The following KLHL8 variants were observed in gnomAD, a reference collection of about 807,000 sequenced individuals.
KLHL8 encodes kelch-like protein 8.
Under a neutral mutation model 63.5 loss-of-function variants are expected in KLHL8, and 38 were observed. The observed-to-expected ratio is 0.60, with a 90% confidence interval of 0.46 to 0.78. The LOEUF is 0.78. Ranked by LOEUF, KLHL8 falls within the 30% of genes least tolerant of loss-of-function variation. KLHL8 has a pLI of 0.00. For synonymous variants in KLHL8, 224 were observed against 254.3 expected (o/e 0.88, Z 1.13); for missense variants, 566 against 752.4 (o/e 0.75, Z 2.90).
intron 4 of KLHL8, 97 bp downstream of exon 4, chr4:87,183,106 G>A: frequency 1.3e-6 from 1 of 773,542 alleles, no homozygotes; most frequent in Non-Finnish European, 2.0e-6. Context: ...AAGGCAATCA[G>A]ACACTAATTA....
At chr4:87,190,700 T>A (rs1731449032) in intron 2 of KLHL8, among the ~76,000 whole-genome samples, 1 of 151,460 alleles carries the variant, frequency 6.6e-6, no homozygotes, top group Non-Finnish European at 1.5e-5. Context: ...TAACAAACTA[T>A]CACTGGGTGG....
At position 87,161,652 on chromosome 4, in the gene KLHL8, A is replaced by G. The variant is rs770714678; in HGVS notation, c.*1867T>C. 6.6e-6 allele frequency: 1 copy of G among 152,244 alleles called. No homozygotes were observed. The highest frequency in any genetic ancestry group is 2.4e-5 in the African/African-American group (1 of 41,460). The allele number at this position is 152,244 out of a possible 1,614,324, so 9.4% of individuals were successfully genotyped here. Reference sequence around the variant, plus strand: ...ACCATAGCTAAACAAACACTGTAATATAAGAACTCCATTAGACATAAGAAA... The same window carrying G: ...ACCATAGCTAAACAAACACTGTAATGTAAGAACTCCATTAGACATAAGAAA... On this transcript the variant is annotated 3_prime_UTR_variant, in exon 10 of 10. Coordinates refer to ENST00000273963, the MANE Select transcript of KLHL8 (RefSeq NM_020803.5).
intron 2 of KLHL8, among the ~76,000 whole-genome samples, chr4:87,187,045 T>C (rs1467486848): frequency 6.6e-6 from 1 of 152,160 alleles, no homozygotes; most frequent in Non-Finnish European, 1.5e-5. Flanking sequence ...CAGTATGCTA[T>C]TACAAATAGC....
intron 8 of KLHL8, chr4:87,167,260 A>G (rs370383268): frequency 7.9e-5 from 39 of 491,370 alleles, no homozygotes; most frequent in African/African-American, 7.2e-4. Context: ...ATCCCAGGAC[A>G]GGACCCATAT....
chr4:87,190,239 A>G (rs1231801515), intron 2 of KLHL8, among the ~76,000 whole-genome samples: 5 of 152,034 alleles, frequency 3.3e-5, no homozygotes, highest in African/African-American at 9.7e-5. Context: ...TACTATTTCA[A>G]TGTTGTTTTG....
chr4:87,208,156 G>T (rs1434162946), intron 1 of KLHL8: 7 of 387,204 alleles, frequency 1.8e-5, no homozygotes, highest in Non-Finnish European at 3.5e-5. Flanking sequence ...CTGCTGGGGA[G>T]TCCCTGCCAC....
intron 1 of KLHL8, among the ~76,000 whole-genome samples, chr4:87,239,903 C>T (rs1733298656): frequency 6.6e-6 from 1 of 152,192 alleles, no homozygotes; most frequent in Non-Finnish European, 1.5e-5. Context: ...TTTTTCCCAT[C>T]CCCTTTTCAT....
chr4:87,210,023 A>G (rs961589087), intron 1 of KLHL8, among the ~76,000 whole-genome samples: 2 of 151,876 alleles, frequency 1.3e-5, no homozygotes, highest in African/African-American at 2.4e-5. Context: ...ACACCGGGCT[A>G]ATTTTTGTAT....
rs1375794302 is a variant in KLHL8 at position 87,160,216 on chromosome 4, T to C, written c.*3303A>G. On this transcript the variant is annotated 3_prime_UTR_variant, in exon 10 of 10. Coordinates refer to ENST00000273963, the MANE Select transcript of KLHL8 (RefSeq NM_020803.5). ...TATATGACCACTTATTACATTGATT[T>C]TCTGGAGTATTATAACACAAATTTA... 1 of 152,210 alleles carries C rather than the reference T, an allele frequency of 6.6e-6. No individual in the cohort carries two copies. Among genetic ancestry groups the C allele is most frequent in the Non-Finnish European group, 1.5e-5 (1 of 68,008 alleles). The allele number at this position is 152,210 out of a possible 1,614,324, so 9.4% of individuals were successfully genotyped here. A position where few individuals can be genotyped will look rare whatever the true frequency, so the allele number is the denominator to read the frequency against.
At chr4:87,164,924 C>G (rs62306542) in intron 8 of KLHL8, among the ~76,000 whole-genome samples, 17,234 of 151,618 alleles carry the variant, frequency 0.11, 1,148 homozygotes, top group East Asian at 0.22. Flanking sequence ...CAAGGGGGGC[C>G]GATCACGAGG....
At chr4:87,167,221 T>G (rs1424577889) in intron 8 of KLHL8, 3 of 523,480 alleles carry the variant, frequency 5.7e-6, no homozygotes, top group South Asian at 3.4e-5. Flanking sequence ...TGGACCCAGA[T>G]GTGTGACATA....
chr4:87,233,169 T>G (rs1733168079), intron 1 of KLHL8, among the ~76,000 whole-genome samples: 2 of 152,058 alleles, frequency 1.3e-5, no homozygotes, highest in African/African-American at 4.8e-5. Flanking sequence ...GCCTCCCGAG[T>G]AGCTGGGATT....
At chr4:87,214,233 G>T (rs1732504514) in intron 1 of KLHL8, among the ~76,000 whole-genome samples, 1 of 150,058 alleles carries the variant, frequency 6.7e-6, no homozygotes, top group Non-Finnish European at 1.5e-5. Flanking sequence ...AATGACAACA[G>T]CAAGCATTAA....
At chr4:87,234,570 C>T (rs2110072500) in intron 1 of KLHL8, among the ~76,000 whole-genome samples, 1 of 152,232 alleles carries the variant, frequency 6.6e-6, no homozygotes, top group Non-Finnish European at 1.5e-5. Context: ...AACAAACCTA[C>T]TGTGTTGCCA....
intron 1 of KLHL8, among the ~76,000 whole-genome samples, chr4:87,235,979 A>G (rs1733220382): frequency 6.6e-6 from 1 of 152,154 alleles, no homozygotes; most frequent in South Asian, 2.1e-4. Context: ...CTGCTGGAAT[A>G]TATTGGTAAA....
At chr4:87,231,605 T>C (rs1733139352) in intron 1 of KLHL8, among the ~76,000 whole-genome samples, 1 of 151,992 alleles carries the variant, frequency 6.6e-6, no homozygotes. Flanking sequence ...AATACTTCTT[T>C]TTTTTTTTTG....
At chr4:87,188,310 T>C (rs1255259097) in intron 2 of KLHL8, among the ~76,000 whole-genome samples, 1 of 152,214 alleles carries the variant, frequency 6.6e-6, no homozygotes. Context: ...AAGTCTCACA[T>C]GACTTAAACC....
chr4:87,185,806 A>G lies in KLHL8; in HGVS notation c.217-7T>C, dbSNP rs201302063. ...AGATTAGCTTTGAGCCAACCTGTTC[A>G]AAAGAAACCAAGAAAGATTCTGTTT... On this transcript the variant is annotated splice_polypyrimidine_tract_variant and splice_region_variant and intron_variant, in intron 2 of 9. Transcript: ENST00000273963. 1.3e-4 allele frequency: 211 copies of G among 1,565,614 alleles called. No individual in the cohort carries two copies. Among genetic ancestry groups the G allele is most frequent in the Non-Finnish European group, 1.8e-4 (207 of 1,156,936 alleles).
intron 1 of KLHL8, among the ~76,000 whole-genome samples, chr4:87,226,429 GGT>G (rs1553950234): frequency 1.3e-5 from 2 of 149,776 alleles, no homozygotes; most frequent in Non-Finnish European, 3.0e-5. Flanking sequence ...CGGGCATGGC[GGT>G]GCACGCCTGT....
Sources: gnomAD v4.1 joint callset for allele counts (sites outside exome capture counted in the v4.1 genomes callset) on GRCh38, gnomAD v4.1.1 for gene constraint, MANE v1.5 for transcripts, NCBI Gene and HGNC (gene_info 2026-07-23, HGNC 2026-07-21) for gene names.